SMOC2: variants seen among roughly 807,000 people sequenced by gnomAD.
SMOC2 encodes SPARC-related modular calcium-binding protein 2.
SMOC2 carries 39 observed loss-of-function variants against 61.4 expected under a neutral mutation model. The ratio of observed to expected loss-of-function variants is 0.64; its 90% CI spans 0.49 to 0.83. The LOEUF (loss-of-function observed/expected upper bound fraction) is 0.83, where lower values mean the gene tolerates loss of function less well. SMOC2 is among the 40% of genes least tolerant of loss of function. SMOC2 has a pLI of 0.00. For synonymous variants in SMOC2, 247 were observed against 239.9 expected (o/e 1.03, Z -0.27); for missense variants, 556 against 592.9 (o/e 0.94, Z 0.65).
rs151015811 is a variant in SMOC2 at position 168,597,740 on chromosome 6, A to C, written c.638-1078A>C. On this transcript the variant is annotated intron_variant, in intron 7 of 12. Coordinates refer to ENST00000356284, the MANE Select transcript of SMOC2 (RefSeq NM_001166412.2). Reference sequence around the variant, plus strand: ...AGCCCAAGCTTCCTTCAGGCTGAGCAGAGAGGCTGCCCCTGCTGCTCCACC... The same window carrying C: ...AGCCCAAGCTTCCTTCAGGCTGAGCCGAGAGGCTGCCCCTGCTGCTCCACC... 1.5e-3 allele frequency among the ~76,000 whole-genome samples: 229 copies of C among 152,352 alleles called. 1 individual carries two copies. The highest frequency in any genetic ancestry group is 5.1e-3 in the African/African-American group (210 of 41,578).
chr6:168,578,245 C>T lies in SMOC2; in HGVS notation c.638-20573C>T, dbSNP rs1784850721. ...TCTGTGAAGTGGGGGCAATGGGAGT[C>T]CTTTGCGAGCTGAAAGTCTAAGGAG... On this transcript the variant is annotated intron_variant, in intron 7 of 12. Transcript: ENST00000356284. Among the ~76,000 whole-genome samples, 4 of 152,180 alleles carry T rather than the reference C, an allele frequency of 2.6e-5. No homozygotes were observed. The South Asian group carries it at 8.3e-4, about 32-fold the overall frequency.
chr6:168,446,777 A>T (rs1195134016), intron 1 of SMOC2, among the ~76,000 whole-genome samples: 1 of 152,252 alleles, frequency 6.6e-6, no homozygotes, highest in Admixed American at 6.5e-5. Flanking sequence ...AAGAGAACCA[A>T]GTAAAATATG....
intron 4 of SMOC2, among the ~76,000 whole-genome samples, chr6:168,537,378 T>G (rs1331611930): frequency 1.3e-5 from 2 of 152,154 alleles, no homozygotes; most frequent in African/African-American, 4.8e-5. Flanking sequence ...AAGCTGGTCC[T>G]ATTTAGGGAG....
At chr6:168,656,211 G>C (rs1787318352) in intron 11 of SMOC2, among the ~76,000 whole-genome samples, 1 of 152,104 alleles carries the variant, frequency 6.6e-6, no homozygotes, top group South Asian at 2.1e-4. Flanking sequence ...GATTCACCGT[G>C]GTCTTTAAAA....
chr6:168,527,589 G>A (rs1290653558), intron 3 of SMOC2, 39 bp from the exon 4 acceptor site: 26 of 1,463,854 alleles, frequency 1.8e-5, no homozygotes, highest in South Asian at 1.2e-4. Flanking sequence ...GCTGCGCCAC[G>A]GGCCCGGGAG....
At chr6:168,494,312 T>C (rs1316792452) in intron 1 of SMOC2, among the ~76,000 whole-genome samples, 5 of 152,180 alleles carry the variant, frequency 3.3e-5, no homozygotes, top group Non-Finnish European at 7.3e-5. Flanking sequence ...AGGGCAGGCA[T>C]GTGATAAGCT....
At chr6:168,598,773 A>G (rs767844334) in intron 7 of SMOC2, 45 bp from the exon 8 acceptor site, 2 of 1,602,828 alleles carry the variant, frequency 1.2e-6, no homozygotes, top group Non-Finnish European at 1.7e-6. Flanking sequence ...ATGTGGGACG[A>G]CGTCGCTGGA....
At chr6:168,614,144 G>A (rs1785979024) in intron 9 of SMOC2, among the ~76,000 whole-genome samples, 1 of 66,182 alleles carries the variant, frequency 1.5e-5, no homozygotes, top group Non-Finnish European at 2.9e-5. Context: ...GCCAGCACAG[G>A]GGGCCTCTTC....
chr6:168,474,250 T>C (rs1782030317), intron 1 of SMOC2, among the ~76,000 whole-genome samples: 1 of 152,132 alleles, frequency 6.6e-6, no homozygotes, highest in Non-Finnish European at 1.5e-5. Flanking sequence ...ATACTGAGCA[T>C]CTGCTCTGTG....
intron 1 of SMOC2, among the ~76,000 whole-genome samples, chr6:168,462,478 C>T (rs553796950): frequency 4.6e-5 from 7 of 152,172 alleles, no homozygotes; most frequent in South Asian, 2.1e-4. Flanking sequence ...TCCCAGCTCT[C>T]GAAGGTCCGG....
intron 8 of SMOC2, among the ~76,000 whole-genome samples, chr6:168,603,117 C>CCTCTG (rs1785596125): frequency 6.6e-6 from 1 of 151,772 alleles, no homozygotes; most frequent in South Asian, 2.1e-4. Flanking sequence ...TCTGACATTT[C>CCTCTG]CCCTGCTTGC....
At chr6:168,505,033 C>G (rs1451526178) in intron 1 of SMOC2, among the ~76,000 whole-genome samples, 9 of 152,218 alleles carry the variant, frequency 5.9e-5, no homozygotes, top group African/African-American at 2.2e-4. Context: ...ATGTCCGTCT[C>G]TCAGATACCG....
chr6:168,443,607 G>A (rs983247691), intron 1 of SMOC2, among the ~76,000 whole-genome samples: 2 of 152,246 alleles, frequency 1.3e-5, no homozygotes, highest in African/African-American at 2.4e-5. Context: ...GAGTTACAAA[G>A]TAACTGAGGC....
Position 168,608,251 on chromosome 6 carries a change from C to A in SMOC2, c.907+12C>A, listed in dbSNP as rs777871859. Reference sequence around the variant, plus strand: ...CCGCCAGCTACAAGGTGAGCAGCACCCGCGAGTGTGGCCCGAATCCACAGG... The same window carrying A: ...CCGCCAGCTACAAGGTGAGCAGCACACGCGAGTGTGGCCCGAATCCACAGG... On this transcript the variant is annotated intron_variant, in intron 9 of 12. Coordinates refer to ENST00000356284, the MANE Select transcript of SMOC2 (RefSeq NM_001166412.2). 2.5e-6 allele frequency: 4 copies of A among 1,609,714 alleles called. No individual in the cohort carries two copies. The African/African-American group carries it at 5.3e-5, about 21-fold the overall frequency.
At chr6:168,467,592 G>A (rs542765635) in intron 1 of SMOC2, among the ~76,000 whole-genome samples, 29 of 152,218 alleles carry the variant, frequency 1.9e-4, no homozygotes, top group African/African-American at 4.8e-4. Flanking sequence ...ACAGGCATGA[G>A]CCACCGCTTC....
intron 7 of SMOC2, among the ~76,000 whole-genome samples, chr6:168,585,426 A>T (rs1050019764): frequency 6.6e-6 from 1 of 152,254 alleles, no homozygotes; most frequent in Non-Finnish European, 1.5e-5. Flanking sequence ...GACTGTATGC[A>T]GATACCACAG....
chr6:168,613,885 A>G lies in SMOC2; in HGVS notation c.907+5646A>G, dbSNP rs113149515. On this transcript the variant is annotated intron_variant, in intron 9 of 12. Coordinates refer to ENST00000356284, the MANE Select transcript of SMOC2 (RefSeq NM_001166412.2). ...TCTTCACACCTACAGCCAGCACAGG[A>G]CCTCTTCACACCTACAGCCAGCACA... 2.8e-3 allele frequency among the ~76,000 whole-genome samples: 95 copies of G among 33,370 alleles called. 1 individual carries two copies. Among genetic ancestry groups the G allele is most frequent in the East Asian group, 3.3e-3 (3 of 914 alleles). 21.9% of individuals were successfully genotyped at this position (33,370 alleles called of 152,430 possible). A position where few individuals can be genotyped will look rare whatever the true frequency, so the allele number is the denominator to read the frequency against.
In SMOC2 at chr6:168,590,308, G is replaced by T. The variant is rs372941331; in HGVS notation, c.638-8510G>T. Among the ~76,000 whole-genome samples the T allele has an allele frequency of 4.3e-5, 2 of 46,592 alleles. 1 individual carries two copies. The highest frequency in any genetic ancestry group is 1.1e-3 in the East Asian group (2 of 1,808). The allele number at this position is 46,592 out of a possible 152,430, so 30.6% of individuals were successfully genotyped here. A position where few individuals can be genotyped will look rare whatever the true frequency, so the allele number is the denominator to read the frequency against. ...GGGCAGCCGGCCTGGTGGTGGTCAG[G>T]TGTGGCATGAGTTTAGGGGGCAGCC... On this transcript the variant is annotated intron_variant, in intron 7 of 12. Transcript: ENST00000356284.
chr6:168,637,688 A>G (rs946305534), intron 9 of SMOC2, among the ~76,000 whole-genome samples: 1 of 152,194 alleles, frequency 6.6e-6, no homozygotes, highest in Non-Finnish European at 1.5e-5. Context: ...TAAGTTACGT[A>G]TAATTTGTGA....
Sources: gnomAD v4.1 joint callset for allele counts (sites outside exome capture counted in the v4.1 genomes callset) on GRCh38, gnomAD v4.1.1 for gene constraint, MANE v1.5 for transcripts, NCBI Gene and HGNC (gene_info 2026-07-23, HGNC 2026-07-21) for gene names.